Variants in ADSS2 observed in about 807,000 individuals in gnomAD.
The protein encoded by ADSS2 is adenylosuccinate synthase 2.
Under a neutral mutation model 60.0 loss-of-function variants are expected in ADSS2, and 30 were observed. The observed-to-expected ratio is 0.50, with a 90% CI of 0.37 to 0.68. ADSS2 has a LOEUF of 0.68. Ranked by LOEUF, ADSS2 falls within the 30% of genes least tolerant of loss-of-function variation. The pLI is 0.00. For synonymous variants in ADSS2, 187 were observed against 193.1 expected (o/e 0.97, Z 0.26); for missense variants, 373 against 554.8 (o/e 0.67, Z 3.29).
At chr1:244,415,239 T>G (rs531861236) in intron 11 of ADSS2, among the ~76,000 whole-genome samples, 1 of 152,218 alleles carries the variant, frequency 6.6e-6, no homozygotes, top group South Asian at 2.1e-4. Context: ...AATAGCTTTG[T>G]AAATAGAATT....
chr1:244,446,321 C>T (rs1282899060), intron 1 of ADSS2, among the ~76,000 whole-genome samples: 1 of 152,098 alleles, frequency 6.6e-6, no homozygotes, highest in East Asian at 1.9e-4. Context: ...CACATAACTG[C>T]AATTAGCTTA....
intron 12 of ADSS2, 73 bp downstream of exon 12, chr1:244,411,214 G>C: frequency 7.2e-7 from 1 of 1,389,834 alleles, no homozygotes; most frequent in Non-Finnish European, 9.7e-7. Context: ...GCGAGACTCC[G>C]TCTCAAAAAA....
chr1:244,409,731 T>C, intron 12 of ADSS2, 93 bp from the exon 13 acceptor site: 1 of 976,074 alleles, frequency 1.0e-6, no homozygotes, highest in East Asian at 2.4e-5. Context: ...CTTTTCTCAG[T>C]ATCACCATAA....
intron 4 of ADSS2, among the ~76,000 whole-genome samples, chr1:244,428,598 G>A (rs952365419): frequency 1.3e-5 from 2 of 151,510 alleles, no homozygotes; most frequent in African/African-American, 2.4e-5. Flanking sequence ...CTACAAAAAC[G>A]AGCAAATTTA....
At chr1:244,421,875 G>T (rs949305255) in intron 7 of ADSS2, among the ~76,000 whole-genome samples, 1 of 152,156 alleles carries the variant, frequency 6.6e-6, no homozygotes, top group Non-Finnish European at 1.5e-5. Flanking sequence ...TCGGGAGGCT[G>T]AGGAGGGAGG....
chr1:244,410,099 C>T (rs1351058431), intron 12 of ADSS2, among the ~76,000 whole-genome samples: 1 of 152,210 alleles, frequency 6.6e-6, no homozygotes, highest in East Asian at 1.9e-4. Context: ...GAATTGCCAG[C>T]TTCCATAAGG....
chr1:244,414,780 T>C (rs534542784), intron 11 of ADSS2, among the ~76,000 whole-genome samples: 1 of 152,336 alleles, frequency 6.6e-6, no homozygotes, highest in Non-Finnish European at 1.5e-5. Flanking sequence ...GGAACTGCTC[T>C]TGGCCAAAGG....
At chr1:244,435,511 TCCTCTTCCTCCTC>T (rs1169089846) in intron 3 of ADSS2, among the ~76,000 whole-genome samples, 2 of 148,890 alleles carry the variant, frequency 1.3e-5, no homozygotes, top group African/African-American at 5.0e-5. Flanking sequence ...GAAGTTTGTT[TCCTCTTCCTCCTC>T]CTTCTCTTCC....
At chr1:244,432,816 C>T (rs1482700909) in intron 3 of ADSS2, among the ~76,000 whole-genome samples, 2 of 151,854 alleles carry the variant, frequency 1.3e-5, no homozygotes, top group East Asian at 3.9e-4. Flanking sequence ...AGGCACCCGC[C>T]ACCACACCTG....
At position 244,417,716 on chromosome 1, in the gene ADSS2, A is replaced by C; in HGVS notation, c.982T>G (p.Phe328Val). ...GELLQTRGRE[F>V]GVTTGRKRRC... ...CTTTTCCTTCCAGTAGTTACACCAAACTCTCTACCCCTTGTTTGTAATAAT... is the reference window on the plus strand; with the variant it reads ...CTTTTCCTTCCAGTAGTTACACCAACCTCTCTACCCCTTGTTTGTAATAAT... Residue 328 changes from phenylalanine (F) to valine (V), a missense_variant, in exon 10 of 13, where the codon TTT becomes GTT. Physicochemically the swap from Phe to Val is conservative, Grantham distance 50 (BLOSUM62 -1). Coordinates refer to ENST00000366535, the MANE Select transcript of ADSS2 (RefSeq NM_001126.5). 1 of 1,613,460 alleles carries C rather than the reference A, an allele frequency of 6.2e-7. No homozygotes were observed. The highest frequency in any genetic ancestry group is 2.2e-5 in the East Asian group (1 of 44,858).
intron 1 of ADSS2, among the ~76,000 whole-genome samples, chr1:244,438,043 A>G (rs1198390798): frequency 6.6e-6 from 1 of 152,114 alleles, no homozygotes; most frequent in Non-Finnish European, 1.5e-5. Flanking sequence ...AAAAGAGGGG[A>G]AAAAAAGTGA....
At chr1:244,416,688 C>T (rs1383156328) in intron 10 of ADSS2, among the ~76,000 whole-genome samples, 2 of 152,194 alleles carry the variant, frequency 1.3e-5, no homozygotes, top group African/African-American at 2.4e-5. Flanking sequence ...GTTAAGGTTG[C>T]ACTGTGGCCG....
intron 5 of ADSS2, 99 bp from the exon 6 acceptor site, chr1:244,424,159 T>A (rs1664741607): frequency 8.3e-7 from 1 of 1,205,972 alleles, no homozygotes; most frequent in African/African-American, 1.5e-5. Flanking sequence ...GACTATTTTC[T>A]GTTTATGTTA....
chr1:244,426,010 A>AT (rs1664795008), intron 4 of ADSS2, among the ~76,000 whole-genome samples: 1 of 152,230 alleles, frequency 6.6e-6, no homozygotes, highest in Non-Finnish European at 1.5e-5. Context: ...AGGGGATACT[A>AT]TATAGCAATG....
intron 1 of ADSS2, among the ~76,000 whole-genome samples, chr1:244,439,920 G>A (rs1367481753): frequency 6.6e-6 from 1 of 152,170 alleles, no homozygotes; most frequent in Non-Finnish European, 1.5e-5. Context: ...GCTTTCTACT[G>A]TGACAAGGGC....
chr1:244,450,443 T>C (rs1665520013), intron 1 of ADSS2, among the ~76,000 whole-genome samples: 1 of 152,208 alleles, frequency 6.6e-6, no homozygotes, highest in Non-Finnish European at 1.5e-5. Flanking sequence ...AATCAGAGAA[T>C]ATTTGCAGTA....
intron 11 of ADSS2, among the ~76,000 whole-genome samples, chr1:244,415,092 T>C (rs6666267): frequency 0.48 from 73,563 of 152,132 alleles, 18,723 homozygotes; most frequent in Non-Finnish European, 0.56. Flanking sequence ...TTTATGTGTT[T>C]TGTTAGTTTT....
intron 1 of ADSS2, among the ~76,000 whole-genome samples, chr1:244,443,965 C>A (rs982938161): frequency 6.6e-6 from 1 of 152,108 alleles, no homozygotes; most frequent in African/African-American, 2.4e-5. Flanking sequence ...CTGAAATATA[C>A]CCTACCCCCC....
chr1:244,451,979 C>A, upstream of ADSS2: 1 of 677,746 alleles, frequency 1.5e-6, no homozygotes, highest in Non-Finnish European at 2.3e-6. The surrounding 1 kb of genome is among the most constrained non-coding windows in gnomAD (Gnocchi z 6.6). Context: ...GTCCCCGCCC[C>A]GCTCTCCGCC....
Sources: gnomAD v4.1 joint callset for allele counts (sites outside exome capture counted in the v4.1 genomes callset) on GRCh38, gnomAD v4.1.1 for gene constraint, Gnocchi (gnomAD v3.1) non-coding constraint, MANE v1.5 for transcripts, NCBI Gene and HGNC (gene_info 2026-07-23, HGNC 2026-07-21) for gene names.